DNAH2: variants seen among roughly 807,000 people sequenced by gnomAD.
DNAH2 encodes axonemal beta dynein heavy chain 2.
In DNAH2, 323 loss-of-function variants were observed where a neutral mutation model predicts 523.5. The ratio of observed to expected loss-of-function variants is 0.62; its 90% confidence interval spans 0.56 to 0.68. The LOEUF (loss-of-function observed/expected upper bound fraction) is 0.68. DNAH2 is among the 30% of genes least tolerant of loss of function. The pLI is 0.00. For synonymous variants in DNAH2, 2,093 were observed against 2,177.4 expected (o/e 0.96, Z 1.08); for missense variants, 4,907 against 5,701.5 (o/e 0.86, Z 4.49).
chr17:7,818,613 GC>G, intron 69 of DNAH2, 29 bp from the exon 70 acceptor site: 2 of 1,612,154 alleles, frequency 1.2e-6, no homozygotes, highest in Non-Finnish European at 1.7e-6. Flanking sequence ...AGGAGTGACA[GC>G]CCCTCACTGT....
chr17:7,804,415 G>T lies in DNAH2; in HGVS notation c.9132G>T (p.Glu3044Asp). 1 of 1,614,168 alleles carries T rather than the reference G, an allele frequency of 6.2e-7. No homozygotes were observed. The highest frequency in any genetic ancestry group is 1.3e-5 in the African/African-American group (1 of 75,048). Reference protein sequence around the residue: ...KVAEFQKQCEEYLVIIVQQKR... With the variant: ...KVAEFQKQCEDYLVIIVQQKR... ...CTGAGTTCCAGAAGCAGTGTGAGGA[G>T]TACCTGGTCATCATTGTGCAGCAGA... is the stretch of plus-strand genomic sequence containing the variant. The change falls in exon 59 of 86, where the codon GAG becomes GAT. Residue 3044 changes from glutamate to aspartate, a missense_variant. Physicochemically the swap from Glu to Asp is conservative, Grantham distance 45. This residue lies in a region of DNAH2 where 1,851 missense variants were observed against 2,139.4 expected (regional missense o/e 0.87). Coordinates refer to ENST00000572933, the MANE Select transcript of DNAH2 (RefSeq NM_020877.5).
At chr17:7,769,362 A>G (rs568780694) in intron 24 of DNAH2, among the ~76,000 whole-genome samples, 75 of 152,184 alleles carry the variant, frequency 4.9e-4, no homozygotes, top group African/African-American at 1.8e-3. Context: ...GGGTTTTGCC[A>G]TGTTGCCCAA....
At chr17:7,727,986 A>T (rs2074876415) in intron 4 of DNAH2, among the ~76,000 whole-genome samples, 1 of 152,108 alleles carries the variant, frequency 6.6e-6, no homozygotes, top group Non-Finnish European at 1.5e-5. Context: ...GCTATTCAGC[A>T]AAGACCACTC....
intron 14 of DNAH2, 56 bp downstream of exon 14, chr17:7,758,707 C>A: frequency 6.3e-7 from 1 of 1,579,720 alleles, no homozygotes; most frequent in Non-Finnish European, 8.6e-7. Flanking sequence ...TCATTTATAC[C>A]TGAGTGTTGC....
chr17:7,723,497 C>T, intron 2 of DNAH2, 131 bp from the exon 3 acceptor site: 1 of 701,676 alleles, frequency 1.4e-6, no homozygotes, highest in Non-Finnish European at 2.6e-6. Flanking sequence ...GTCTCAAACT[C>T]CTGACCTCAG....
At chr17:7,794,118 G>A (rs888973125) in intron 48 of DNAH2, 136 bp from the exon 49 acceptor site, 3 of 525,844 alleles carry the variant, frequency 5.7e-6, no homozygotes, top group African/African-American at 4.0e-5. Flanking sequence ...CTCTCAACTC[G>A]CTGCATCCCG....
chr17:7,810,019 C>CCCTT (rs769515711), intron 63 of DNAH2, among the ~76,000 whole-genome samples: 213 of 150,234 alleles, frequency 1.4e-3, no homozygotes, highest in Non-Finnish European at 2.5e-3. Flanking sequence ...TTCCCTCCCT[C>CCCTT]CCTTCCTTCC....
Position 7,799,161 on chromosome 17 carries a change from G to C in DNAH2, c.8618G>C (p.Ser2873Thr), listed in dbSNP as rs748534936. 2 of 1,614,208 alleles carry C rather than the reference G, an allele frequency of 1.2e-6. No individual in the cohort carries two copies. Among genetic ancestry groups the C allele is most frequent in the African/African-American group, 1.3e-5 (1 of 75,066 alleles). ...RVEQVPESSD[S>T]LFAYLIERVQ... The stretch of plus-strand genomic sequence containing the variant: ...GAGCAGGTGCCTGAGTCATCGGACA[G>C]CCTCTTCGCCTACCTCATTGAACGC... The change falls in exon 56 of 86, where the codon AGC (serine) becomes ACC (threonine). Residue 2873 changes from serine to threonine, a missense_variant. Coordinates refer to ENST00000572933, the MANE Select transcript of DNAH2 (RefSeq NM_020877.5).
At chr17:7,827,785 C>T (rs1046190268) in intron 77 of DNAH2, among the ~76,000 whole-genome samples, 2 of 151,936 alleles carry the variant, frequency 1.3e-5, no homozygotes, top group Non-Finnish European at 2.9e-5. Context: ...TCTCCCAGTA[C>T]CACTTCTCAA....
chr17:7,818,529 G>A, intron 69 of DNAH2, 69 bp downstream of exon 69: 1 of 1,604,374 alleles, frequency 6.2e-7, no homozygotes, highest in Non-Finnish European at 8.5e-7. Flanking sequence ...TTGAGAAAAG[G>A]GATAAGCTTG....
In DNAH2 at chr17:7,799,189, G is replaced by A. The variant is rs2077153414; in HGVS notation, c.8646G>A (p.Val2882=). 1.2e-6 allele frequency: 2 copies of A among 1,614,210 alleles called. No individual in the cohort carries two copies. Among genetic ancestry groups the A allele is most frequent in the Non-Finnish European group, 1.7e-6 (2 of 1,180,046 alleles). The change falls in exon 56 of 86, where the codon GTG becomes GTA. Residue 2882 remains valine (V), a synonymous_variant. Coordinates refer to ENST00000572933, the MANE Select transcript of DNAH2 (RefSeq NM_020877.5). The part of the protein sequence containing the change: ...DSLFAYLIER[V]QNNLHIVLCL... ...TCTTCGCCTACCTCATTGAACGCGT[G>A]CAGAACAACCTGCACATCGTGCTCT...
Position 7,740,974 on chromosome 17 carries a change from C to T in DNAH2, c.1671C>T (p.Arg557=), listed in dbSNP as rs2075297074. 6.2e-7 allele frequency: 1 copy of T among 1,603,968 alleles called. No homozygotes were observed. Among genetic ancestry groups the T allele is most frequent in the African/African-American group, 1.3e-5 (1 of 74,758 alleles). ...KARWVHILRR[R]IDRVMTCLAG... ...GCTGGGTGCACATCCTCCGGCGTCG[C>T]ATCGACAGAGTCATGACCGTAAGTG... Residue 557 remains arginine, a synonymous_variant, in exon 11 of 86, where the codon CGC becomes CGT. Coordinates refer to ENST00000572933, the MANE Select transcript of DNAH2 (RefSeq NM_020877.5).
chr17:7,833,121 G>C lies in DNAH2; in HGVS notation c.13029G>C (p.Arg4343=). ...GLYLEGAGWD[R]KNSCLVEAEP... ...ACCTGGAAGGTGCTGGCTGGGACCG[G>C]AAGAACTCCTGCTTGGTGGAGGCAG... is the stretch of plus-strand genomic sequence containing the variant. Residue 4343 remains arginine (R), a synonymous_variant, in exon 85 of 86, where the codon CGG becomes CGC. Transcript: ENST00000572933. The C allele has an allele frequency of 6.2e-7, 1 of 1,612,806 alleles. No individual in the cohort carries two copies. Among genetic ancestry groups the C allele is most frequent in the Non-Finnish European group, 8.5e-7 (1 of 1,180,034 alleles).
chr17:7,778,518 T>G, intron 35 of DNAH2, 49 bp downstream of exon 35: 1 of 1,522,062 alleles, frequency 6.6e-7, no homozygotes, highest in South Asian at 1.2e-5. Flanking sequence ...TACCTTTTCG[T>G]CCCAGAAAAT....
chr17:7,786,797 T>C lies in DNAH2; in HGVS notation c.6467-100T>C. 6.3e-7 allele frequency: 1 copy of C among 1,599,740 alleles called. No individual in the cohort carries two copies. The highest frequency in any genetic ancestry group is 1.1e-5 in the South Asian group (1 of 89,878). ...TGGGAGAGAAATGCCTGGGGAATGC[T>C]GAAGTACAAGGGAGTGTAGGCTTGT... On this transcript the variant is annotated intron_variant, in intron 41 of 85. Transcript: ENST00000572933. The surrounding 1 kb of genome is among the most constrained non-coding windows in gnomAD (Gnocchi z 7.5).
At chr17:7,824,765 C>G (rs1298517767) in intron 77 of DNAH2, 38 bp downstream of exon 77, 8 of 1,431,614 alleles carry the variant, frequency 5.6e-6, no homozygotes, top group Admixed American at 4.4e-5. Context: ...TCAGGGCCAT[C>G]TGGTCCACCT....
In DNAH2 at chr17:7,821,197, C is replaced by T. The variant is rs1272506961; in HGVS notation, c.11016-46C>T. On this transcript the variant is annotated intron_variant, in intron 72 of 85. Coordinates refer to ENST00000572933, the MANE Select transcript of DNAH2 (RefSeq NM_020877.5). This position sits in a 1 kb window ranked among gnomAD's most constrained non-coding sequence, Gnocchi z 5.0. ...CATAGCATTCGCATGGAGCATCAGCCCCCATTCCATGCTGCCCCTCCCTCT... is the reference window on the plus strand; with the variant it reads ...CATAGCATTCGCATGGAGCATCAGCTCCCATTCCATGCTGCCCCTCCCTCT... 1 of 1,596,318 alleles carries T rather than the reference C, an allele frequency of 6.3e-7. No homozygotes were observed. Among genetic ancestry groups the T allele is most frequent in the African/African-American group, 1.3e-5 (1 of 74,588 alleles).
rs1272291978 is a variant in DNAH2, at chr17:7,786,360, T to C, written c.6348+18T>C. 1.2e-6 allele frequency: 2 copies of C among 1,605,204 alleles called. No individual in the cohort carries two copies. Among genetic ancestry groups the C allele is most frequent in the Non-Finnish European group, 1.7e-6 (2 of 1,177,942 alleles). ...TTGTTAGAGTACGGGGCTGGGACAG[T>C]GGAGTCAGTGGGCAGAGACTTGAGT... On this transcript the variant is annotated intron_variant, in intron 40 of 85. Transcript: ENST00000572933. This position sits in a 1 kb window ranked among gnomAD's most constrained non-coding sequence, Gnocchi z 7.5.
At chr17:7,805,850 T>C (rs866880211) in intron 61 of DNAH2, among the ~76,000 whole-genome samples, 13 of 144,548 alleles carry the variant, frequency 9.0e-5, no homozygotes, top group Middle Eastern at 3.6e-3. Flanking sequence ...CCAGACCCTG[T>C]CTCCAAAGAA....
Sources: allele counts gnomAD v4.1 joint callset (sites outside exome capture counted in the v4.1 genomes callset), GRCh38; gene constraint gnomAD v4.1.1; regional missense constraint gnomAD v4.1.1; non-coding constraint Gnocchi (gnomAD v3.1); transcripts MANE v1.5; gene names NCBI Gene and HGNC (gene_info 2026-07-23, HGNC 2026-07-21).